Variants in PRMT1 observed in about 807,000 individuals in gnomAD.
The protein encoded by PRMT1 is protein arginine N-methyltransferase 1.
Under a neutral mutation model 47.4 loss-of-function variants are expected in PRMT1, and 5 were observed. That is an observed-to-expected ratio of 0.11 (90% CI 0.06 to 0.22). PRMT1 has a LOEUF of 0.22. Among genes scored for constraint, PRMT1 ranks in the 10% least tolerant of loss-of-function variants. The pLI is 1.00. For synonymous variants in PRMT1, 227 were observed against 204.6 expected (o/e 1.11, Z -0.94); for missense variants, 249 against 518.4 (o/e 0.48, Z 5.05).
At chr19:49,687,564 A>C (rs1599952942) in intron 10 of PRMT1, among the ~76,000 whole-genome samples, 1 of 132,420 alleles carries the variant, frequency 7.6e-6, no homozygotes. Flanking sequence ...TGTGGTTGTC[A>C]CTCCGGAGAA....
chr19:49,685,938 C>A lies in PRMT1; in HGVS notation c.760-155C>A. ...TATTGGGAGCCGGATAGGCAGGATG[C>A]AGAGTGAAGGAGGAGCCGAGGCTGG... On this transcript the variant is annotated intron_variant, in intron 8 of 10. Coordinates refer to ENST00000454376, the MANE Select transcript of PRMT1 (RefSeq NM_001536.6). This position sits in a 1 kb window ranked among gnomAD's most constrained non-coding sequence, Gnocchi z 4.7. The A allele has an allele frequency of 6.9e-7, 1 of 1,444,278 alleles. No individual in the cohort carries two copies. Among genetic ancestry groups the A allele is most frequent in the East Asian group, 2.5e-5 (1 of 40,214 alleles). The allele number at this position is 1,444,278 out of a possible 1,614,324, so 89.5% of individuals were successfully genotyped here.
chr19:49,683,366 T>C (rs966878202), intron 5 of PRMT1, among the ~76,000 whole-genome samples: 12 of 152,044 alleles, frequency 7.9e-5, no homozygotes, highest in African/African-American at 2.9e-4. Context: ...ATCATGCTGT[T>C]ACTTATTATA....
chr19:49,681,586 A>C lies in PRMT1; in HGVS notation c.193-324A>C, dbSNP rs1211112424. ...AACCCCATCTGTATGAAAAATACAAAAATTAGCCGGGCATGGTGGTGTGCA... is the reference window on the plus strand; with the variant it reads ...AACCCCATCTGTATGAAAAATACAACAATTAGCCGGGCATGGTGGTGTGCA... On this transcript the variant is annotated intron_variant, in intron 3 of 10. Transcript: ENST00000454376. The surrounding 1 kb of genome is among the most constrained non-coding windows in gnomAD (Gnocchi z 4.4). Among the ~76,000 whole-genome samples, 2 of 151,982 alleles carry C rather than the reference A, an allele frequency of 1.3e-5. No individual in the cohort carries two copies. The highest frequency in any genetic ancestry group is 4.8e-5 in the African/African-American group (2 of 41,374).
Position 49,685,545 on chromosome 19 carries a change from T to TA in PRMT1, c.759+520dup, listed in dbSNP as rs535481103. On this transcript the variant is annotated intron_variant, in intron 8 of 10. Coordinates refer to ENST00000454376, the MANE Select transcript of PRMT1 (RefSeq NM_001536.6). The surrounding 1 kb of genome is among the most constrained non-coding windows in gnomAD (Gnocchi z 4.7). Reference sequence around the variant, plus strand: ...TTTTTTTTACTTCTGAGACCCTGTTTAAAAAAAAAAAATACGGCGATGAGT... The same window carrying TA: ...TTTTTTTTACTTCTGAGACCCTGTTTAAAAAAAAAAAAATACGGCGATGAGT... The TA allele has an allele frequency of 4.8e-3, 3,558 of 738,772 alleles. No homozygotes were observed. The highest frequency in any genetic ancestry group is 9.0e-3 in the South Asian group (175 of 19,472). 45.8% of individuals were successfully genotyped at this position (738,772 alleles called of 1,614,324 possible).
chr19:49,683,030 C>T (rs1042826129), intron 5 of PRMT1, among the ~76,000 whole-genome samples: 1 of 151,622 alleles, frequency 6.6e-6, no homozygotes, highest in African/African-American at 2.4e-5. Flanking sequence ...TCGTGATCTG[C>T]CTGCTTGCCT....
In PRMT1 at chr19:49,677,353, C is replaced by T. The variant is rs1346388106; in HGVS notation, c.36+37C>T. The T allele has an allele frequency of 2.9e-6, 4 of 1,370,992 alleles. No homozygotes were observed. The Admixed American group carries it at 9.0e-5, about 31-fold the overall frequency. 84.9% of individuals were successfully genotyped at this position (1,370,992 alleles called of 1,614,324 possible). On this transcript the variant is annotated intron_variant, in intron 1 of 10. Transcript: ENST00000454376. ...GAGCGCCGCCGTGGGCGGGAGGCGG[C>T]TTTGGGTCGGTGTTTCACGCCTCTG...
At chr19:49,686,456 C>G in intron 9 of PRMT1, 149 bp from the exon 10 acceptor site, 1 of 1,180,202 alleles carries the variant, frequency 8.5e-7, no homozygotes, top group Middle Eastern at 2.9e-4. Flanking sequence ...TGACACGGTC[C>G]CTGTCTCCAA....
At chr19:49,683,753 C>T in intron 5 of PRMT1, 174 bp from the exon 6 acceptor site, 1 of 679,858 alleles carries the variant, frequency 1.5e-6, no homozygotes, top group Non-Finnish European at 2.4e-6. Context: ...TCTGCTCCTG[C>T]CTCAAAAATG....
In PRMT1 at chr19:49,680,695, GC is replaced by G; in HGVS notation, c.192+109del. ...TGCGCACTGCTTCCCCTGGCCGCAGGCCGCCCCCCTGCCCCTCTGCTGCGCA... is the reference window on the plus strand; with the variant it reads ...TGCGCACTGCTTCCCCTGGCCGCAGGCGCCCCCCTGCCCCTCTGCTGCGCA... On this transcript the variant is annotated intron_variant, in intron 3 of 10. Transcript: ENST00000454376. The surrounding 1 kb of genome is among the most constrained non-coding windows in gnomAD (Gnocchi z 4.2). The G allele has an allele frequency of 1.1e-6, 1 of 914,730 alleles. No individual in the cohort carries two copies. Among genetic ancestry groups the G allele is most frequent in the African/African-American group, 1.6e-5 (1 of 61,158 alleles). The allele number at this position is 914,730 out of a possible 1,614,324, so 56.7% of individuals were successfully genotyped here. A position where few individuals can be genotyped will look rare whatever the true frequency, so the allele number is the denominator to read the frequency against.
rs1385477318 is a variant in PRMT1 at position 49,680,867 on chromosome 19, C to T, written c.192+279C>T. Among the ~76,000 whole-genome samples, 3 of 152,252 alleles carry T rather than the reference C, an allele frequency of 2.0e-5. No individual in the cohort carries two copies. Among genetic ancestry groups the T allele is most frequent in the East Asian group, 3.8e-4 (2 of 5,198 alleles). On this transcript the variant is annotated intron_variant, in intron 3 of 10. Transcript: ENST00000454376. This position sits in a 1 kb window ranked among gnomAD's most constrained non-coding sequence, Gnocchi z 4.2. The stretch of plus-strand genomic sequence containing the variant: ...GAGGTCGGGCAGGGCCCACTGGTCT[C>T]TGCCGCCCTCTAGTGACCGGCGGTG...
Position 49,688,398 on chromosome 19 carries a change from A to G in PRMT1, c.*153A>G, listed in dbSNP as rs1599954440. 1.5e-6 allele frequency: 1 copy of G among 682,822 alleles called. No individual in the cohort carries two copies. Among genetic ancestry groups the G allele is most frequent in the Non-Finnish European group, 2.5e-6 (1 of 397,096 alleles). The allele number at this position is 682,822 out of a possible 1,614,324, so 42.3% of individuals were successfully genotyped here. A position where few individuals can be genotyped will look rare whatever the true frequency, so the allele number is the denominator to read the frequency against. ...GGCACATCGTGACTGTGTTTTTCAT[A>G]ACTTATGTTTTTATATGGTTGCATT... On this transcript the variant is annotated 3_prime_UTR_variant, in exon 11 of 11. Transcript: ENST00000454376. This position sits in a 1 kb window ranked among gnomAD's most constrained non-coding sequence, Gnocchi z 5.3.
chr19:49,686,778 A>T, intron 10 of PRMT1, 52 bp downstream of exon 10: 1 of 427,778 alleles, frequency 2.3e-6, no homozygotes, highest in Non-Finnish European at 3.4e-6. Flanking sequence ...CGGGGAGTGT[A>T]GATTGGGGGG....
chr19:49,688,308 C>A lies in PRMT1; in HGVS notation c.*63C>A, dbSNP rs1273977444. On this transcript the variant is annotated 3_prime_UTR_variant, in exon 11 of 11. Transcript: ENST00000454376. The surrounding 1 kb of genome is among the most constrained non-coding windows in gnomAD (Gnocchi z 5.3). The stretch of plus-strand genomic sequence containing the variant: ...AGCGTTCCTAGGCGGTTTCGGGGCT[C>A]CCCCTTCCTCTCCCTCCCTCCCGCA... The A allele has an allele frequency of 6.6e-7, 1 of 1,514,286 alleles. No individual in the cohort carries two copies. Among genetic ancestry groups the A allele is most frequent in the Non-Finnish European group, 9.1e-7 (1 of 1,094,472 alleles). The allele number at this position is 1,514,286 out of a possible 1,614,324, so 93.8% of individuals were successfully genotyped here.
chr19:49,679,110 C>T (rs1226460290), intron 1 of PRMT1, among the ~76,000 whole-genome samples: 3 of 152,074 alleles, frequency 2.0e-5, no homozygotes, highest in Non-Finnish European at 4.4e-5. Flanking sequence ...TCTCAAACTC[C>T]TGACCTCAGG....
Position 49,684,234 on chromosome 19 carries a change from TG to T in PRMT1, c.555+167del, listed in dbSNP as rs1264050872. ...AGGTGTGACAGACCCTGGAGGGAGA[TG>T]GTGCGATGTGGGGGAGGTCGTAGGA... On this transcript the variant is annotated intron_variant, in intron 6 of 10. Coordinates refer to ENST00000454376, the MANE Select transcript of PRMT1 (RefSeq NM_001536.6). This position sits in a 1 kb window ranked among gnomAD's most constrained non-coding sequence, Gnocchi z 6.2. Among the ~76,000 whole-genome samples the T allele has an allele frequency of 6.6e-6, 1 of 151,542 alleles. No homozygotes were observed. Among genetic ancestry groups the T allele is most frequent in the Non-Finnish European group, 1.5e-5 (1 of 67,886 alleles).
chr19:49,685,449 G>T lies in PRMT1; in HGVS notation c.759+412G>T. Reference sequence around the variant, plus strand: ...CACTTGGGCCTGGGAGTTCAAGGCTGCAGTGAGCTGTGATCACATCACTGC... The same window carrying T: ...CACTTGGGCCTGGGAGTTCAAGGCTTCAGTGAGCTGTGATCACATCACTGC... On this transcript the variant is annotated intron_variant, in intron 8 of 10. Transcript: ENST00000454376. This position sits in a 1 kb window ranked among gnomAD's most constrained non-coding sequence, Gnocchi z 4.7. 2 of 1,165,336 alleles carry T rather than the reference G, an allele frequency of 1.7e-6. No homozygotes were observed. Among genetic ancestry groups the T allele is most frequent in the Non-Finnish European group, 2.1e-6 (2 of 933,360 alleles). 72.2% of individuals were successfully genotyped at this position (1,165,336 alleles called of 1,614,324 possible).
intron 1 of PRMT1, among the ~76,000 whole-genome samples, chr19:49,678,792 A>G (rs1434459371): frequency 6.6e-6 from 1 of 151,856 alleles, no homozygotes; most frequent in East Asian, 1.9e-4. Context: ...TAACTTTCCC[A>G]GAGGTGGCCT....
At position 49,680,715 on chromosome 19, in the gene PRMT1, C is replaced by T. The variant is rs1210999392; in HGVS notation, c.192+127C>T. 2.6e-6 allele frequency: 2 copies of T among 768,452 alleles called. No individual in the cohort carries two copies. The highest frequency in any genetic ancestry group is 1.7e-5 in the African/African-American group (1 of 58,284). The allele number at this position is 768,452 out of a possible 1,614,324, so 47.6% of individuals were successfully genotyped here. ...CGCAGGCCGCCCCCCTGCCCCTCTG[C>T]TGCGCACTTCCTAGGGTCGCCTCGC... On this transcript the variant is annotated intron_variant, in intron 3 of 10. Coordinates refer to ENST00000454376, the MANE Select transcript of PRMT1 (RefSeq NM_001536.6). This position sits in a 1 kb window ranked among gnomAD's most constrained non-coding sequence, Gnocchi z 4.2.
Position 49,680,391 on chromosome 19 carries a change from C to G in PRMT1, c.91-96C>G. Reference sequence around the variant, plus strand: ...TTGTCATGGTATGATTTTGGGGGTTCTATACTACTCTTCAGGGAAAAGTAG... The same window carrying G: ...TTGTCATGGTATGATTTTGGGGGTTGTATACTACTCTTCAGGGAAAAGTAG... On this transcript the variant is annotated intron_variant, in intron 2 of 10. Coordinates refer to ENST00000454376, the MANE Select transcript of PRMT1 (RefSeq NM_001536.6). This position sits in a 1 kb window ranked among gnomAD's most constrained non-coding sequence, Gnocchi z 4.2. 8.5e-7 allele frequency: 1 copy of G among 1,174,838 alleles called. No individual in the cohort carries two copies. The highest frequency in any genetic ancestry group is 1.3e-6 in the Non-Finnish European group (1 of 790,052). 72.8% of individuals were successfully genotyped at this position (1,174,838 alleles called of 1,614,324 possible). A position where few individuals can be genotyped will look rare whatever the true frequency, so the allele number is the denominator to read the frequency against.
Sources: allele counts gnomAD v4.1 joint callset (sites outside exome capture counted in the v4.1 genomes callset), GRCh38; gene constraint gnomAD v4.1.1; non-coding constraint Gnocchi (gnomAD v3.1); transcripts MANE v1.5; gene names NCBI Gene and HGNC (gene_info 2026-07-23, HGNC 2026-07-21).